The following DIAPH2 variants were observed in gnomAD, a reference collection of about 807,000 sequenced individuals.
DIAPH2 encodes the protein diaphanous related formin 2.
DIAPH2 carries 35 observed loss-of-function variants against 92.7 expected under a neutral mutation model. The observed-to-expected ratio is 0.38, with a 90% CI of 0.29 to 0.50. The LOEUF is 0.50. DIAPH2 is among the 20% of genes least tolerant of loss of function. The pLI, the probability that DIAPH2 is intolerant of heterozygous loss-of-function variation, is 0.94. For missense variants in DIAPH2, 701 were observed against 819.5 expected (o/e 0.86, Z 1.77); for synonymous variants, 301 against 280.4 (o/e 1.07, Z -0.73).
chrX:97,565,108 C>G (rs914454195), intron 26 of DIAPH2, among the ~76,000 whole-genome samples: 4 of 111,935 alleles, frequency 3.6e-5, no homozygotes, highest in Non-Finnish European at 3.8e-5. Context: ...ACCTTCCTGT[C>G]AAAGTCATGG....
At chrX:96,755,523 G>A (rs2064221717) in intron 3 of DIAPH2, among the ~76,000 whole-genome samples, 1 of 110,239 alleles carries the variant, frequency 9.1e-6, no homozygotes, top group Non-Finnish European at 1.9e-5. Flanking sequence ...CATGGTGGCG[G>A]GCGCCTGTAG....
Position 97,185,355 on chromosome X carries a change from G to GTATATATATATGTATATATA in DIAPH2, c.2719+43562_2719+43563insATATATATATGTATATATAT, listed in dbSNP as rs1320825418. ...TATATATATATGTATATATATATGT[G>GTATATATATATGTATATATA]TGTATATATATATGTATATATATAT... On this transcript the variant is annotated intron_variant, in intron 22 of 26. Transcript: ENST00000324765. 8.7e-4 allele frequency among the ~76,000 whole-genome samples: 9 copies of GTATATATATATGTATATATA among 10,360 alleles called. 2 individuals carry two copies. Among genetic ancestry groups the GTATATATATATGTATATATA allele is most frequent in the African/African-American group, 3.2e-3 (2 of 619 alleles). The allele number at this position is 10,360 out of a possible 115,157, so 9.0% of individuals were successfully genotyped here.
chrX:97,586,940 C>T (rs1229578114), intron 26 of DIAPH2, among the ~76,000 whole-genome samples: 1 of 112,256 alleles, frequency 8.9e-6, no homozygotes, highest in Non-Finnish European at 1.9e-5. Context: ...CAAACTGACT[C>T]ACTGAGAACT....
chrX:97,520,134 C>A (rs1026453632), intron 26 of DIAPH2, among the ~76,000 whole-genome samples: 1 of 112,416 alleles, frequency 8.9e-6, no homozygotes, highest in African/African-American at 3.2e-5. Flanking sequence ...AATGTTATTT[C>A]ATTTTACTTT....
intron 20 of DIAPH2, among the ~76,000 whole-genome samples, chrX:97,110,526 A>G (rs1365278609): frequency 8.9e-6 from 1 of 111,750 alleles, no homozygotes; most frequent in African/African-American, 3.3e-5. Flanking sequence ...GAGTTTCTAT[A>G]TGGTGAGCAT....
chrX:97,379,298 T>G (rs2069531285), intron 24 of DIAPH2, among the ~76,000 whole-genome samples: 1 of 111,617 alleles, frequency 9.0e-6, no homozygotes. Flanking sequence ...AGGAAGGGGG[T>G]TTGCAAAATA....
At chrX:97,367,018 A>C (rs1327221683) in intron 24 of DIAPH2, among the ~76,000 whole-genome samples, 1 of 111,791 alleles carries the variant, frequency 8.9e-6, no homozygotes, top group Admixed American at 9.5e-5. Flanking sequence ...TATTATTGCA[A>C]AGTGTTGTAT....
chrX:97,436,652 C>T (rs1448979911), intron 26 of DIAPH2, among the ~76,000 whole-genome samples: 2 of 111,793 alleles, frequency 1.8e-5, no homozygotes. Flanking sequence ...TAAGAAAACT[C>T]AAATTTTGCT....
At chrX:97,401,030 T>G (rs1309264077) in intron 25 of DIAPH2, among the ~76,000 whole-genome samples, 4 of 109,366 alleles carry the variant, frequency 3.7e-5, no homozygotes, top group Non-Finnish European at 7.6e-5. Context: ...TGGCCCTAGC[T>G]CCACATTTTA....
intron 25 of DIAPH2, among the ~76,000 whole-genome samples, chrX:97,428,416 C>T (rs1158945745): frequency 9.1e-6 from 1 of 109,788 alleles, no homozygotes; most frequent in Non-Finnish European, 1.9e-5. Flanking sequence ...GTAATCCCAG[C>T]TACTCAGGAT....
At chrX:96,868,968 G>A (rs1478288196) in intron 4 of DIAPH2, among the ~76,000 whole-genome samples, 1 of 111,861 alleles carries the variant, frequency 8.9e-6, no homozygotes, top group African/African-American at 3.3e-5. Context: ...AAAAGCTTTT[G>A]CTTTAGTATG....
chrX:97,352,802 G>A (rs1257921004), intron 24 of DIAPH2, among the ~76,000 whole-genome samples: 3 of 102,839 alleles, frequency 2.9e-5, no homozygotes, highest in Admixed American at 1.1e-4. Flanking sequence ...CCCAGGAGGC[G>A]GAGCTTGCAG....
intron 23 of DIAPH2, among the ~76,000 whole-genome samples, chrX:97,262,663 A>G (rs975247500): frequency 8.9e-6 from 1 of 111,865 alleles, no homozygotes; most frequent in Non-Finnish European, 1.9e-5. Context: ...TGAGACGCCT[A>G]TTAGGCATCC....
intron 26 of DIAPH2, among the ~76,000 whole-genome samples, chrX:97,484,371 A>G (rs2070672948): frequency 8.9e-6 from 1 of 112,146 alleles, no homozygotes; most frequent in African/African-American, 3.2e-5. Flanking sequence ...AACAATGCCT[A>G]CCTAATAGGG....
chrX:96,705,423 G>T (rs976506698), intron 1 of DIAPH2, among the ~76,000 whole-genome samples: 1 of 112,121 alleles, frequency 8.9e-6, no homozygotes, highest in Admixed American at 9.5e-5. Flanking sequence ...ATATCAGCAG[G>T]AAATTTGAAT....
intron 14 of DIAPH2, among the ~76,000 whole-genome samples, chrX:96,948,410 T>C (rs1263928406): frequency 9.0e-6 from 1 of 110,636 alleles, no homozygotes; most frequent in Non-Finnish European, 1.9e-5. Context: ...CCATCTCTAC[T>C]AAAAATACAA....
intron 17 of DIAPH2, among the ~76,000 whole-genome samples, chrX:97,016,330 G>A: frequency 8.9e-6 from 1 of 112,239 alleles, no homozygotes; most frequent in Non-Finnish European, 1.9e-5. Flanking sequence ...TTGGCAGAAA[G>A]TGAAAACATA....
intron 17 of DIAPH2, among the ~76,000 whole-genome samples, chrX:97,063,648 G>A (rs1322609368): frequency 8.9e-6 from 1 of 112,057 alleles, no homozygotes; most frequent in African/African-American, 3.2e-5. Context: ...GTTTGATTAT[G>A]TGTATCCTAC....
chrX:96,836,700 T>C (rs1259202721), intron 4 of DIAPH2, among the ~76,000 whole-genome samples: 7 of 20,693 alleles, frequency 3.4e-4, no homozygotes, highest in African/African-American at 1.5e-3. Flanking sequence ...TATATATATA[T>C]ATATATATAT....
Sources: allele counts gnomAD v4.1 joint callset (sites outside exome capture counted in the v4.1 genomes callset), GRCh38; gene constraint gnomAD v4.1.1; transcripts MANE v1.5; gene names NCBI Gene and HGNC (gene_info 2026-07-23, HGNC 2026-07-21).